Variants in CEP112 observed in about 807,000 individuals in gnomAD.
CEP112 encodes centrosomal protein of 112 kDa.
A neutral mutation model predicts 153.0 loss-of-function variants in CEP112; 127 were observed. The observed-to-expected ratio is 0.83, with a 90% CI of 0.72 to 0.96. The LOEUF is 0.96. CEP112 is among the 40% of genes least tolerant of loss of function. The pLI, the probability that CEP112 is intolerant of heterozygous loss-of-function variation, is 0.00. For synonymous variants in CEP112, 358 were observed against 374.4 expected (o/e 0.96, Z 0.51); for missense variants, 1,089 against 1,101.2 (o/e 0.99, Z 0.16).
chr17:65,738,364 T>C (rs1055888125), intron 23 of CEP112, among the ~76,000 whole-genome samples: 4 of 152,198 alleles, frequency 2.6e-5, no homozygotes, highest in African/African-American at 9.7e-5. Flanking sequence ...AGTACACATT[T>C]TTCAGCCAAA....
chr17:65,731,022 G>A (rs1165615745), intron 23 of CEP112, among the ~76,000 whole-genome samples: 1 of 152,050 alleles, frequency 6.6e-6, no homozygotes, highest in African/African-American at 2.4e-5. Context: ...TAGCCCTGGT[G>A]GTGCAGTGAT....
At chr17:65,715,494 A>G (rs1294438732) in intron 23 of CEP112, among the ~76,000 whole-genome samples, 1 of 152,042 alleles carries the variant, frequency 6.6e-6, no homozygotes, top group Non-Finnish European at 1.5e-5. Context: ...TCCGTCGCTC[A>G]GGCTGGAGTG....
At chr17:65,984,461 T>A (rs771827538) in intron 17 of CEP112, among the ~76,000 whole-genome samples, 3 of 152,194 alleles carry the variant, frequency 2.0e-5, no homozygotes, top group African/African-American at 4.8e-5. Context: ...TAAATATATA[T>A]GCAGATGACT....
chr17:66,155,372 T>C (rs1401944735), intron 4 of CEP112, among the ~76,000 whole-genome samples: 1 of 152,060 alleles, frequency 6.6e-6, no homozygotes, highest in Non-Finnish European at 1.5e-5. Flanking sequence ...GTTACTAGAC[T>C]TTTCCCATGG....
chr17:65,703,725 C>T (rs183723734), intron 23 of CEP112, among the ~76,000 whole-genome samples: 20 of 146,782 alleles, frequency 1.4e-4, no homozygotes, highest in Admixed American at 1.3e-3. Context: ...CCTGCTATTA[C>T]TTCCATCCTT....
chr17:65,691,220 T>A (rs1351985017), intron 23 of CEP112, among the ~76,000 whole-genome samples: 1 of 152,112 alleles, frequency 6.6e-6, no homozygotes, highest in African/African-American at 2.4e-5. Flanking sequence ...AAATGCCTAT[T>A]ACACATCCAG....
At chr17:65,637,284 T>G in intron 25 of CEP112, 96 bp from the exon 26 acceptor site, 3 of 844,644 alleles carry the variant, frequency 3.6e-6, no homozygotes, top group South Asian at 2.9e-5. Flanking sequence ...TTCAGACAAT[T>G]CCCTAGATAA....
Position 65,684,103 on chromosome 17 carries a change from A to T in CEP112, c.2697+5026T>A, listed in dbSNP as rs140130207. On this transcript the variant is annotated intron_variant, in intron 24 of 26. Coordinates refer to ENST00000535342, the MANE Select transcript of CEP112 (RefSeq NM_001199165.4). ...ATTCCACACCTGGGGTCTACATTTT[A>T]TACACATCCCATTTACTCTATCAGA... Among the ~76,000 whole-genome samples the T allele has an allele frequency of 4.1e-4, 62 of 152,266 alleles. No individual in the cohort carries two copies. The East Asian group carries it at 0.01, about 25-fold the overall frequency.
At chr17:65,668,561 C>G (rs2046813987) in intron 24 of CEP112, among the ~76,000 whole-genome samples, 1 of 152,152 alleles carries the variant, frequency 6.6e-6, no homozygotes, top group Admixed American at 6.5e-5. Context: ...ACTCTAAAAC[C>G]ACCTGCCTGT....
At chr17:65,686,382 A>G (rs2047793326) in intron 24 of CEP112, among the ~76,000 whole-genome samples, 1 of 152,142 alleles carries the variant, frequency 6.6e-6, no homozygotes, top group Admixed American at 6.5e-5. Flanking sequence ...ATCCTTCTCT[A>G]TTGTTCATTT....
At chr17:65,980,209 T>C (rs1309180574) in intron 17 of CEP112, among the ~76,000 whole-genome samples, 1 of 152,202 alleles carries the variant, frequency 6.6e-6, no homozygotes, top group African/African-American at 2.4e-5. Context: ...CCCTCGACAT[T>C]TGTGTATTCT....
chr17:66,133,885 T>C (rs944708637), intron 4 of CEP112, among the ~76,000 whole-genome samples: 2 of 152,134 alleles, frequency 1.3e-5, no homozygotes, highest in African/African-American at 4.8e-5. Context: ...CTTAGACTAG[T>C]TAATAAGTAA....
chr17:66,027,765 T>G (rs992880458), intron 15 of CEP112, among the ~76,000 whole-genome samples: 2 of 152,168 alleles, frequency 1.3e-5, no homozygotes, highest in Non-Finnish European at 2.9e-5. Context: ...GATATTACTA[T>G]TCTCAAAAGC....
chr17:65,783,735 G>A (rs373069048), intron 21 of CEP112, among the ~76,000 whole-genome samples: 25 of 152,042 alleles, frequency 1.6e-4, no homozygotes, highest in Admixed American at 5.9e-4. Context: ...TTATTTCCCC[G>A]TTCAGTTGAC....
chr17:65,766,918 A>G (rs1188610604), intron 21 of CEP112, among the ~76,000 whole-genome samples: 1 of 140,490 alleles, frequency 7.1e-6, no homozygotes, highest in Non-Finnish European at 1.5e-5. Flanking sequence ...ATTAATGGAC[A>G]TGAAGGGAGA....
chr17:65,666,480 A>T (rs904701167), intron 24 of CEP112, among the ~76,000 whole-genome samples: 1 of 152,200 alleles, frequency 6.6e-6, no homozygotes, highest in African/African-American at 2.4e-5. Flanking sequence ...AGCCTTTGGT[A>T]ATACTTAGGG....
At chr17:66,088,555 C>T (rs144139320) in intron 8 of CEP112, among the ~76,000 whole-genome samples, 1 of 151,964 alleles carries the variant, frequency 6.6e-6, no homozygotes, top group Non-Finnish European at 1.5e-5. Context: ...CCAAGCATAA[C>T]GCAGGATTCA....
At chr17:65,642,107 T>TG in intron 24 of CEP112, among the ~76,000 whole-genome samples, 1 of 152,338 alleles carries the variant, frequency 6.6e-6, no homozygotes, top group East Asian at 1.9e-4. Flanking sequence ...TGTGCATGGA[T>TG]GAGGCGTGAA....
At chr17:65,878,417 A>G (rs2058923056) in intron 20 of CEP112, among the ~76,000 whole-genome samples, 1 of 152,190 alleles carries the variant, frequency 6.6e-6, no homozygotes, top group Admixed American at 6.5e-5. Context: ...GCTTTTAGTG[A>G]CCTTTAACCA....
Sources: allele counts gnomAD v4.1 joint callset (sites outside exome capture counted in the v4.1 genomes callset), GRCh38; gene constraint gnomAD v4.1.1; transcripts MANE v1.5; gene names NCBI Gene and HGNC (gene_info 2026-07-23, HGNC 2026-07-21).